FNBP4: variants seen among roughly 807,000 people sequenced by gnomAD.
FNBP4 encodes formin binding protein 4.
In FNBP4, 34 loss-of-function variants were observed where a neutral mutation model predicts 119.3. The ratio of observed to expected loss-of-function variants is 0.28; its 90% confidence interval spans 0.22 to 0.38. FNBP4 has a LOEUF of 0.38. FNBP4 is among the 10% of genes least tolerant of loss of function. FNBP4 has a pLI of 1.00. For synonymous variants in FNBP4, 462 were observed against 430.6 expected (o/e 1.07, Z -0.90); for missense variants, 1,112 against 1,228.9 (o/e 0.90, Z 1.42).
chr11:47,754,397 T>C, intron 3 of FNBP4, 131 bp downstream of exon 3: 1 of 859,876 alleles, frequency 1.2e-6, no homozygotes, highest in Non-Finnish European at 1.8e-6. Context: ...TCGGGAGAAA[T>C]ACAAGAGAGT....
Position 47,734,006 on chromosome 11 carries a change from A to AC in FNBP4, c.1686+18_1686+19insG, listed in dbSNP as rs751449991. ...AACACTTAACTGTTTATGCCAAAAA[A>AC]AAAAAAAAAAAGACTTACCTCAGTC... On this transcript the variant is annotated intron_variant, in intron 10 of 16. Transcript: ENST00000263773. 5 of 1,330,294 alleles carry AC rather than the reference A, an allele frequency of 3.8e-6. No homozygotes were observed. The Admixed American group carries it at 1.4e-4, about 37-fold the overall frequency. The allele number at this position is 1,330,294 out of a possible 1,614,324, so 82.4% of individuals were successfully genotyped here.
chr11:47,764,817 A>T (rs1297124684), intron 2 of FNBP4, among the ~76,000 whole-genome samples: 7 of 152,202 alleles, frequency 4.6e-5, no homozygotes, highest in Non-Finnish European at 8.8e-5. Context: ...TGTGAATGCC[A>T]GAGTGATGAA....
rs749487633 is a variant in FNBP4, at chr11:47,751,273, C to T, written c.655G>A (p.Asp219Asn). Residue 219 changes from aspartate to asparagine, a missense_variant, in exon 5 of 17, where the codon GAT becomes AAT. Coordinates refer to ENST00000263773, the MANE Select transcript of FNBP4 (RefSeq NM_015308.5). Reference protein sequence around the residue: ...SLAGVGIEMGDWQEVWDENTG... With the variant: ...SLAGVGIEMGNWQEVWDENTG... Reference sequence around the variant, plus strand: ...TTCTCATCCCAGACTTCCTGCCAATCGCCCATCTCAATTCCGACTAGAAGA... The same window carrying T: ...TTCTCATCCCAGACTTCCTGCCAATTGCCCATCTCAATTCCGACTAGAAGA... The T allele has an allele frequency of 7.4e-6, 12 of 1,614,080 alleles. No homozygotes were observed. In the Admixed American group the frequency reaches 1.0e-4, roughly 13 times the overall value.
chr11:47,737,675 C>A (rs968908634), intron 8 of FNBP4, among the ~76,000 whole-genome samples: 1 of 150,552 alleles, frequency 6.6e-6, no homozygotes, highest in Admixed American at 6.6e-5. Context: ...CCTGGACTCA[C>A]GCAATCTGCC....
At chr11:47,721,518 G>A (rs1384619594) in intron 15 of FNBP4, among the ~76,000 whole-genome samples, 1 of 152,024 alleles carries the variant, frequency 6.6e-6, no homozygotes, top group East Asian at 1.9e-4. Context: ...CATGAGAAGT[G>A]CTTGAACTGG....
chr11:47,762,013 T>C (rs1288843034), intron 2 of FNBP4, among the ~76,000 whole-genome samples: 3 of 151,922 alleles, frequency 2.0e-5, no homozygotes, highest in African/African-American at 7.3e-5. Context: ...TAGTTTTGTA[T>C]TTTTAGTAGA....
chr11:47,763,594 G>A (rs182614358), intron 2 of FNBP4, among the ~76,000 whole-genome samples: 70 of 151,946 alleles, frequency 4.6e-4, no homozygotes, highest in African/African-American at 1.3e-3. Context: ...TCCGCCTCCC[G>A]GGTTCACGCC....
intron 12 of FNBP4, chr11:47,726,467 G>A (rs11605681): frequency 0.037 from 5,278 of 143,792 alleles, 98 homozygotes; most frequent in Middle Eastern, 0.071. Context: ...AGCTGGTCAC[G>A]AATAGAGTAG....
At chr11:47,740,899 T>G (rs541380161) in intron 8 of FNBP4, among the ~76,000 whole-genome samples, 1 of 150,684 alleles carries the variant, frequency 6.6e-6, no homozygotes, top group African/African-American at 2.5e-5. Context: ...CACATTTTTT[T>G]TGTGTGTGTG....
intron 11 of FNBP4, 70 bp from the exon 12 acceptor site, chr11:47,731,631 G>A: frequency 6.5e-7 from 1 of 1,530,080 alleles, no homozygotes; most frequent in South Asian, 1.3e-5. Flanking sequence ...ATTTGGTCCT[G>A]TCCCAGGACA....
chr11:47,741,325 A>G (rs1214041151), intron 8 of FNBP4, among the ~76,000 whole-genome samples: 1 of 151,524 alleles, frequency 6.6e-6, no homozygotes, highest in Non-Finnish European at 1.5e-5. Context: ...GTGTGCCACC[A>G]CACTGGCTAA....
chr11:47,754,266 C>G (rs1281588501), intron 3 of FNBP4, among the ~76,000 whole-genome samples: 1 of 151,646 alleles, frequency 6.6e-6, no homozygotes, highest in Non-Finnish European at 1.5e-5. Flanking sequence ...ATAATCCCAG[C>G]ACTTTGGAAG....
At chr11:47,738,284 TG>T (rs2097576932) in intron 8 of FNBP4, among the ~76,000 whole-genome samples, 4 of 152,096 alleles carry the variant, frequency 2.6e-5, no homozygotes, top group Admixed American at 2.6e-4. Context: ...AAGCCAAAAA[TG>T]GCCGGGCATG....
chr11:47,766,960 C>A, intron 1 of FNBP4, 109 bp downstream of exon 1: 1 of 1,392,446 alleles, frequency 7.2e-7, no homozygotes, highest in Non-Finnish European at 9.2e-7. Flanking sequence ...AGCAGGCAGG[C>A]CTCGGAAGCC....
In FNBP4 at chr11:47,723,333, A is replaced by G. The variant is rs1417966869; in HGVS notation, c.2465-17T>C. On this transcript the variant is annotated splice_polypyrimidine_tract_variant and intron_variant, in intron 14 of 16. Coordinates refer to ENST00000263773, the MANE Select transcript of FNBP4 (RefSeq NM_015308.5). ...CCTGGTGACCTAACACAGAAAACAT[A>G]AAATGATACTATAAAAAGGACATCA... 6.3e-7 allele frequency: 1 copy of G among 1,581,048 alleles called. No individual in the cohort carries two copies. The highest frequency in any genetic ancestry group is 1.8e-5 in the Admixed American group (1 of 56,680).
intron 16 of FNBP4, 29 bp downstream of exon 16, chr11:47,719,900 C>T (rs777473558): frequency 1.2e-6 from 2 of 1,611,742 alleles, no homozygotes; most frequent in Admixed American, 3.3e-5. Context: ...TCCAAAACCC[C>T]ATCTCATCTG....
chr11:47,744,850 C>T (rs1238336022), intron 7 of FNBP4, among the ~76,000 whole-genome samples: 1 of 151,920 alleles, frequency 6.6e-6, no homozygotes, highest in African/African-American at 2.4e-5. Flanking sequence ...TTTCTGGTAC[C>T]CATTTGTATA....
intron 8 of FNBP4, 63 bp downstream of exon 8, chr11:47,743,890 G>C: frequency 6.9e-7 from 1 of 1,453,182 alleles, no homozygotes; most frequent in East Asian, 2.3e-5. Flanking sequence ...AACAAAAAAA[G>C]ACAAGAGTTT....
At chr11:47,761,793 G>A (rs2097635295) in intron 2 of FNBP4, among the ~76,000 whole-genome samples, 1 of 151,726 alleles carries the variant, frequency 6.6e-6, no homozygotes, top group Non-Finnish European at 1.5e-5. Context: ...AAGCTGGCCA[G>A]GTGTCACTGA....
Sources: allele counts gnomAD v4.1 joint callset (sites outside exome capture counted in the v4.1 genomes callset), GRCh38; gene constraint gnomAD v4.1.1; transcripts MANE v1.5; gene names NCBI Gene and HGNC (gene_info 2026-07-23, HGNC 2026-07-21).